NCOA7: variants seen among roughly 807,000 people sequenced by gnomAD.
The protein encoded by NCOA7 is 140 kDa estrogen receptor-associated protein.
In NCOA7, 45 loss-of-function variants were observed where a neutral mutation model predicts 104.3. The ratio of observed to expected loss-of-function variants is 0.43; its 90% CI spans 0.34 to 0.55. The LOEUF is 0.55. Among genes scored for constraint, NCOA7 ranks in the 20% least tolerant of loss-of-function variants. The pLI is 0.02. For missense variants in NCOA7, 1,041 were observed against 1,119.7 expected (o/e 0.93, Z 1.00); for synonymous variants, 398 against 402.3 (o/e 0.99, Z 0.13).
At chr6:125,825,868 A>G (rs987173563) in intron 2 of NCOA7, among the ~76,000 whole-genome samples, 1 of 150,742 alleles carries the variant, frequency 6.6e-6, no homozygotes, top group African/African-American at 2.5e-5. Context: ...CGATATTCTT[A>G]TTTTATAAGG....
chr6:125,831,765 A>G (rs1779201833), intron 2 of NCOA7, among the ~76,000 whole-genome samples: 1 of 152,144 alleles, frequency 6.6e-6, no homozygotes, highest in Non-Finnish European at 1.5e-5. Flanking sequence ...CAACATCCCT[A>G]TAATTTTCTC....
Position 125,883,641 on chromosome 6 carries a change from A to C in NCOA7, c.699+1090A>C, listed in dbSNP as rs530066306. On this transcript the variant is annotated intron_variant, in intron 7 of 15. Transcript: ENST00000392477. ...TTCTAGACAATTTATTATTCCTTCT[A>C]TCTAACTGTAAGTATATGTCCTTTG... is the stretch of plus-strand genomic sequence containing the variant. 1.3e-4 allele frequency among the ~76,000 whole-genome samples: 19 copies of C among 149,978 alleles called. No homozygotes were observed. The South Asian group carries it at 3.8e-3, about 30-fold the overall frequency.
intron 2 of NCOA7, among the ~76,000 whole-genome samples, chr6:125,841,219 TAC>T (rs1780142785): frequency 6.6e-6 from 1 of 152,042 alleles, no homozygotes; most frequent in Non-Finnish European, 1.5e-5. Context: ...CCTGTTTAGA[TAC>T]ACAAATACTT....
intron 3 of NCOA7, among the ~76,000 whole-genome samples, chr6:125,872,487 G>A (rs898261892): frequency 2.6e-5 from 4 of 152,188 alleles, no homozygotes; most frequent in Non-Finnish European, 5.9e-5. Context: ...AGTGACAGCT[G>A]TTTATGATGA....
Position 125,815,409 on chromosome 6 carries a change from G to A in NCOA7, c.50+5G>A. 6.2e-7 allele frequency: 1 copy of A among 1,607,410 alleles called. No homozygotes were observed. The highest frequency in any genetic ancestry group is 8.5e-7 in the Non-Finnish European group (1 of 1,176,744). The stretch of plus-strand genomic sequence containing the variant: ...GAAACAAAGTTATTTTGCTCGGTAA[G>A]CATTCATTTTACAAAATTGTTATCA... On this transcript the variant is annotated splice_donor_5th_base_variant and intron_variant, in intron 2 of 15. Transcript: ENST00000392477.
Position 125,915,360 on chromosome 6 carries a change from T to C in NCOA7, c.2124T>C (p.Val708=). ...TGGATCATTTGTACACATTCTTTGT[T>C]CAGTGGTCTCCCGATGTCTATGGAA... ...ERVDHLYTFF[V]QWSPDVYGKD... Residue 708 remains valine, a synonymous_variant, in exon 11 of 16, where the codon GTT becomes GTC. Coordinates refer to ENST00000392477, the MANE Select transcript of NCOA7 (RefSeq NM_181782.5). 2 of 1,613,908 alleles carry C rather than the reference T, an allele frequency of 1.2e-6. No individual in the cohort carries two copies. Among genetic ancestry groups the C allele is most frequent in the East Asian group, 4.5e-5 (2 of 44,878 alleles).
chr6:125,916,334 TACTC>T, intron 11 of NCOA7, among the ~76,000 whole-genome samples: 1 of 152,242 alleles, frequency 6.6e-6, no homozygotes, highest in East Asian at 1.9e-4. Context: ...GTTTGTAAAT[TACTC>T]AGTTTCAGGT....
intron 2 of NCOA7, among the ~76,000 whole-genome samples, chr6:125,824,950 C>T (rs570287300): frequency 8.5e-5 from 13 of 152,104 alleles, no homozygotes; most frequent in African/African-American, 2.2e-4. Flanking sequence ...GCAGGAGATT[C>T]GCTTGAACCC....
At chr6:125,797,962 G>T (rs535105950) in intron 1 of NCOA7, 2 of 152,188 alleles carry the variant, frequency 1.3e-5, no homozygotes, top group East Asian at 3.9e-4. Context: ...CACAAAACAG[G>T]AACTTAAGAT....
intron 2 of NCOA7, among the ~76,000 whole-genome samples, chr6:125,849,597 G>C (rs541175912): frequency 6.6e-6 from 1 of 152,006 alleles, no homozygotes; most frequent in Non-Finnish European, 1.5e-5. Flanking sequence ...CATAATAAAA[G>C]AAGAAAAATA....
At position 125,883,769 on chromosome 6, in the gene NCOA7, G is replaced by C. The variant is rs575728186; in HGVS notation, c.699+1218G>C. 3.3e-4 allele frequency among the ~76,000 whole-genome samples: 47 copies of C among 144,558 alleles called. No homozygotes were observed. In the South Asian group the frequency reaches 5.4e-3, roughly 17 times the overall value. The allele number at this position is 144,558 out of a possible 152,430, so 94.8% of individuals were successfully genotyped here. A position where few individuals can be genotyped will look rare whatever the true frequency, so the allele number is the denominator to read the frequency against. ...AGTTTTGCTCTTGTCACCCAGGCTGGAGTGCAATGGTGCGATCTCTGCTCA... is the reference window on the plus strand; with the variant it reads ...AGTTTTGCTCTTGTCACCCAGGCTGCAGTGCAATGGTGCGATCTCTGCTCA... On this transcript the variant is annotated intron_variant, in intron 7 of 15. Coordinates refer to ENST00000392477, the MANE Select transcript of NCOA7 (RefSeq NM_181782.5).
intron 2 of NCOA7, among the ~76,000 whole-genome samples, chr6:125,847,858 T>C (rs1780761272): frequency 6.6e-6 from 1 of 151,916 alleles, no homozygotes; most frequent in East Asian, 1.9e-4. Flanking sequence ...ATCATCAGAG[T>C]GAACAGGAAA....
At chr6:125,853,482 G>A (rs72969765) in intron 2 of NCOA7, among the ~76,000 whole-genome samples, 11,635 of 152,170 alleles carry the variant, frequency 0.076, 500 homozygotes, top group Non-Finnish European at 0.095. Context: ...CTAAGAGATG[G>A]GGAGTATATT....
intron 10 of NCOA7, among the ~76,000 whole-genome samples, chr6:125,905,427 A>G (rs1436526944): frequency 6.6e-6 from 1 of 151,860 alleles, no homozygotes; most frequent in African/African-American, 2.4e-5. Context: ...ATGCCCAGCT[A>G]ATTTTTGTAT....
rs748150025 is a variant in NCOA7 at position 125,882,474 on chromosome 6, T to A, written c.622T>A (p.Ser208Thr). The A allele has an allele frequency of 6.2e-7, 1 of 1,613,878 alleles. No homozygotes were observed. Among genetic ancestry groups the A allele is most frequent in the Admixed American group, 1.7e-5 (1 of 59,998 alleles). ...CTTGAAACCCATTGAAAGAGTCTTA[T>A]CGTCTACTTCTGAAGAAGATGAGCC... The part of the protein sequence containing the change: ...KALKPIERVL[S>T]STSEEDEPGV... Residue 208 changes from serine to threonine, a missense_variant, in exon 7 of 16, where the codon TCG (serine) becomes ACG (threonine). By Grantham distance (58) the Ser-to-Thr change is moderately conservative (BLOSUM62 1). This residue lies in a region of NCOA7 where 914 missense variants were observed against 942.7 expected (regional missense o/e 0.97). Transcript: ENST00000392477.
At chr6:125,857,090 A>G (rs186697330) in intron 3 of NCOA7, among the ~76,000 whole-genome samples, 1 of 152,352 alleles carries the variant, frequency 6.6e-6, no homozygotes, top group African/African-American at 2.4e-5. Context: ...TTTAATCTCA[A>G]GCTATTCAGT....
chr6:125,818,303 A>T (rs1426864273), intron 2 of NCOA7, among the ~76,000 whole-genome samples: 1 of 152,176 alleles, frequency 6.6e-6, no homozygotes, highest in Non-Finnish European at 1.5e-5. Context: ...TGAAACTGAG[A>T]ATACAAACCA....
intron 1 of NCOA7, among the ~76,000 whole-genome samples, chr6:125,783,923 G>A (rs901470142): frequency 1.3e-5 from 2 of 152,140 alleles, no homozygotes; most frequent in Non-Finnish European, 2.9e-5. Flanking sequence ...GTATTCCACT[G>A]TATAGATATC....
chr6:125,838,711 A>G (rs1259068403), intron 2 of NCOA7, among the ~76,000 whole-genome samples: 1 of 152,140 alleles, frequency 6.6e-6, no homozygotes, highest in Non-Finnish European at 1.5e-5. Context: ...GCTCTGTTGT[A>G]AGTCCCAGGT....
Sources: gnomAD v4.1 joint callset for allele counts (sites outside exome capture counted in the v4.1 genomes callset) on GRCh38, gnomAD v4.1.1 for gene constraint, gnomAD v4.1.1 regional missense constraint, MANE v1.5 for transcripts, NCBI Gene and HGNC (gene_info 2026-07-23, HGNC 2026-07-21) for gene names.